Variants in EXT2 observed in about 807,000 individuals in gnomAD.
EXT2 encodes the protein exostosin glycosyltransferase 2, also known as exostosin-2.
A neutral mutation model predicts 81.6 loss-of-function variants in EXT2; 53 were observed. The ratio of observed to expected loss-of-function variants is 0.65; its 90% CI spans 0.52 to 0.82. EXT2 has a LOEUF of 0.82. Ranked by LOEUF, EXT2 falls within the 40% of genes least tolerant of loss-of-function variation. The pLI is 0.00. For missense variants in EXT2, 774 were observed against 910.2 expected, an observed-to-expected ratio of 0.85 and a Z score of 1.93; for synonymous variants, 320 against 340.0, an observed-to-expected ratio of 0.94 and a Z score of 0.65.
chr11:44,183,704 A>G (rs559450127), intron 8 of EXT2, among the ~76,000 whole-genome samples: 2 of 150,616 alleles, frequency 1.3e-5, no homozygotes, highest in South Asian at 2.1e-4. Context: ...TATTTTCTTC[A>G]TCTTTGACTA....
chr11:44,153,944 G>C (rs1176979799), intron 7 of EXT2, among the ~76,000 whole-genome samples: 2 of 149,486 alleles, frequency 1.3e-5, no homozygotes, highest in Non-Finnish European at 3.0e-5. Context: ...AGAATTTTTT[G>C]CTTCTATTTT....
intron 1 of EXT2, among the ~76,000 whole-genome samples, chr11:44,101,482 T>C (rs1165289772): frequency 6.6e-6 from 1 of 152,198 alleles, no homozygotes; most frequent in East Asian, 1.9e-4. Flanking sequence ...TTATCTGGCC[T>C]AAAATGTCAT....
chr11:44,134,113 C>T (rs1233726147), intron 7 of EXT2, among the ~76,000 whole-genome samples: 1 of 152,226 alleles, frequency 6.6e-6, no homozygotes, highest in Admixed American at 6.5e-5. Flanking sequence ...TGGCATTGGG[C>T]AGACTACTGG....
rs1259752689 is a variant in EXT2 at position 44,249,763 on chromosome 11, C to G, written c.*5476C>G. 6.6e-6 allele frequency among the ~76,000 whole-genome samples: 1 copy of G among 152,194 alleles called. No homozygotes were observed. Among genetic ancestry groups the G allele is most frequent in the Non-Finnish European group, 1.5e-5 (1 of 68,030 alleles). ...CAGTCATTCTGTTATGCTAACTATT[C>G]ATTTTCTCATGAAAATGTAGTCTTT... On this transcript the variant is annotated 3_prime_UTR_variant, in exon 14 of 14. Transcript: ENST00000533608.
intron 7 of EXT2, among the ~76,000 whole-genome samples, chr11:44,145,205 C>T (rs1030429374): frequency 6.6e-6 from 1 of 152,080 alleles, no homozygotes. Flanking sequence ...TATTAGATGA[C>T]TTCAGTATAG....
chr11:44,193,596 G>A (rs1286533680), intron 8 of EXT2, among the ~76,000 whole-genome samples: 2 of 152,208 alleles, frequency 1.3e-5, no homozygotes, highest in Admixed American at 6.5e-5. Context: ...CTTCAAACAT[G>A]CTAACTCAAT....
intron 10 of EXT2, among the ~76,000 whole-genome samples, chr11:44,216,083 AGCCAGGATG>A: frequency 6.6e-6 from 1 of 151,990 alleles, no homozygotes; most frequent in Admixed American, 6.6e-5. Flanking sequence ...TCACCTTGTT[AGCCAGGATG>A]GTCTCGATCT....
At chr11:44,160,048 C>G (rs1314729411) in intron 7 of EXT2, among the ~76,000 whole-genome samples, 1 of 152,230 alleles carries the variant, frequency 6.6e-6, no homozygotes, top group Non-Finnish European at 1.5e-5. Flanking sequence ...GTTACTTTCC[C>G]TTCCCCTTTC....
chr11:44,144,461 A>G (rs906872423), intron 7 of EXT2: 41 of 845,904 alleles, frequency 4.8e-5, no homozygotes, highest in Non-Finnish European at 3.1e-5. Context: ...TTTCACCCCA[A>G]TGGCTCTTGG....
At chr11:44,104,162 A>C (rs1954022843) in intron 1 of EXT2, among the ~76,000 whole-genome samples, 1 of 152,078 alleles carries the variant, frequency 6.6e-6, no homozygotes. Context: ...TTTTCAAGCT[A>C]TGGAGGACCC....
intron 8 of EXT2, among the ~76,000 whole-genome samples, chr11:44,179,561 A>G (rs867720861): frequency 1.3e-5 from 2 of 152,182 alleles, no homozygotes; most frequent in African/African-American, 2.4e-5. Context: ...TGTACCAACT[A>G]TCACTTATAT....
intron 13 of EXT2, among the ~76,000 whole-genome samples, chr11:44,236,613 G>GTTAA (rs1420809619): frequency 6.6e-6 from 1 of 152,160 alleles, no homozygotes; most frequent in African/African-American, 2.4e-5. Context: ...TGGGCCTTAA[G>GTTAA]CTCCAGAAGC....
intron 8 of EXT2, among the ~76,000 whole-genome samples, chr11:44,175,135 G>A: frequency 6.6e-6 from 1 of 152,198 alleles, no homozygotes. Context: ...GACCAGACTG[G>A]AGGCAGTAGA....
chr11:44,208,757 CTAAG>C (rs1325220013), intron 10 of EXT2, among the ~76,000 whole-genome samples: 14 of 152,188 alleles, frequency 9.2e-5, no homozygotes, highest in Admixed American at 9.2e-4. Flanking sequence ...TGTGCTGAGA[CTAAG>C]TAAGGTTAGA....
At position 44,251,743 on chromosome 11, in the gene EXT2, C is replaced by A. The variant is rs551954072; in HGVS notation, c.*7456C>A. On this transcript the variant is annotated 3_prime_UTR_variant, in exon 14 of 14. Transcript: ENST00000533608. ...TCTATTGTCTTAAAAAGATTCTTTT[C>A]CCTTAAAAAATAAAAAAACCTGATG... 1.3e-5 allele frequency among the ~76,000 whole-genome samples: 2 copies of A among 152,098 alleles called. No individual in the cohort carries two copies. Among genetic ancestry groups the A allele is most frequent in the Non-Finnish European group, 2.9e-5 (2 of 68,006 alleles).
intron 10 of EXT2, among the ~76,000 whole-genome samples, chr11:44,208,198 AT>A (rs34432174): frequency 1.3e-3 from 190 of 145,202 alleles, no homozygotes; most frequent in Middle Eastern, 7.1e-3. Flanking sequence ...AAAAAGACTA[AT>A]TTTTTTTTTT....
intron 7 of EXT2, among the ~76,000 whole-genome samples, chr11:44,151,572 G>A (rs1233227497): frequency 6.6e-6 from 1 of 151,992 alleles, no homozygotes; most frequent in African/African-American, 2.4e-5. Context: ...TCTTTTCAGT[G>A]CTAAATAATA....
chr11:44,210,983 C>A (rs147983040), intron 10 of EXT2, among the ~76,000 whole-genome samples: 7 of 152,142 alleles, frequency 4.6e-5, no homozygotes, highest in Admixed American at 2.0e-4. Context: ...ACACATCAGA[C>A]CTGAAAAAGT....
At chr11:44,131,979 G>T (rs1039224159) in intron 7 of EXT2, among the ~76,000 whole-genome samples, 1 of 152,104 alleles carries the variant, frequency 6.6e-6, no homozygotes, top group East Asian at 1.9e-4. Flanking sequence ...CAAGTGATCC[G>T]CCCGCCTCGG....
Sources: gnomAD v4.1 joint callset for allele counts (sites outside exome capture counted in the v4.1 genomes callset) on GRCh38, gnomAD v4.1.1 for gene constraint, MANE v1.5 for transcripts, NCBI Gene and HGNC (gene_info 2026-07-23, HGNC 2026-07-21) for gene names.